ASIC2: variants seen among roughly 807,000 people sequenced by gnomAD.
The protein encoded by ASIC2 is acid sensing ion channel subunit 2.
In ASIC2, 25 loss-of-function variants were observed where a neutral mutation model predicts 57.3. The observed-to-expected ratio is 0.44, with a 90% CI of 0.32 to 0.61. ASIC2 has a LOEUF of 0.61. Among genes scored for constraint, ASIC2 ranks in the 20% least tolerant of loss-of-function variants. ASIC2 has a pLI of 0.06. For synonymous variants in ASIC2, 319 were observed against 307.5 expected, an observed-to-expected ratio of 1.04 and a Z score of -0.39; for missense variants, 641 against 738.1, an observed-to-expected ratio of 0.87 and a Z score of 1.52.
chr17:34,084,941 G>C (rs959376555), intron 1 of ASIC2, among the ~76,000 whole-genome samples: 16 of 152,212 alleles, frequency 1.1e-4, no homozygotes, highest in Admixed American at 1.0e-3. Context: ...ATTTGGGGCT[G>C]AGACGATGGG....
chr17:34,079,279 C>A (rs1435887893), intron 1 of ASIC2, among the ~76,000 whole-genome samples: 1 of 152,176 alleles, frequency 6.6e-6, no homozygotes, highest in African/African-American at 2.4e-5. Context: ...CCCACTCCCT[C>A]CCCCCAGTAT....
chr17:33,727,294 C>T (rs1414722538), intron 1 of ASIC2, among the ~76,000 whole-genome samples: 3 of 152,184 alleles, frequency 2.0e-5, no homozygotes, highest in South Asian at 2.1e-4. Context: ...CACAGGATCC[C>T]ATGTCTATAT....
intron 1 of ASIC2, among the ~76,000 whole-genome samples, chr17:33,465,359 T>G (rs2141915558): frequency 7.0e-6 from 1 of 141,916 alleles, no homozygotes; most frequent in South Asian, 2.3e-4. Context: ...GTGTGGGCCT[T>G]TTTTTTCTTT....
chr17:34,141,297 G>A (rs1467042646), intron 1 of ASIC2, among the ~76,000 whole-genome samples: 3 of 152,210 alleles, frequency 2.0e-5, no homozygotes, highest in African/African-American at 7.2e-5. Flanking sequence ...AAGGACCTTA[G>A]TGGACCACTG....
In ASIC2 at chr17:34,106,680, G is replaced by A. The variant is rs189386741; in HGVS notation, c.555+49298C>T. ...CATTACTATCCTTAATCATTTTGGC[G>A]TTCAAATTTTTAGAAATTTGGTCAG... On this transcript the variant is annotated intron_variant, in intron 1 of 9. Coordinates refer to the ASIC2 transcript ENST00000359872. 1.4e-3 allele frequency among the ~76,000 whole-genome samples: 219 copies of A among 151,906 alleles called. 2 individuals are homozygous for A. Among genetic ancestry groups the A allele is most frequent in the African/African-American group, 5.0e-3 (209 of 41,424 alleles).
chr17:33,017,471 TA>T (rs1422649092), intron 8 of ASIC2, 133 bp downstream of exon 8: 4 of 719,884 alleles, frequency 5.6e-6, no homozygotes, highest in Non-Finnish European at 9.1e-6. Context: ...TGATCGACTC[TA>T]TTGGTGGACA....
chr17:34,098,119 G>C (rs1910611626), intron 1 of ASIC2, among the ~76,000 whole-genome samples: 2 of 152,160 alleles, frequency 1.3e-5, no homozygotes, highest in East Asian at 3.9e-4. Flanking sequence ...GGTTGAATTA[G>C]ACATGGTTGC....
chr17:33,854,196 A>C (rs552339764), intron 1 of ASIC2, among the ~76,000 whole-genome samples: 1 of 152,218 alleles, frequency 6.6e-6, no homozygotes, highest in Non-Finnish European at 1.5e-5. Flanking sequence ...ACTCCAGCTG[A>C]ATTTTGGAGG....
chr17:33,339,198 G>A (rs552841547), intron 1 of ASIC2, among the ~76,000 whole-genome samples: 1 of 152,172 alleles, frequency 6.6e-6, no homozygotes, highest in African/African-American at 2.4e-5. Context: ...GTTGGGGAAG[G>A]TTGGCTTCAC....
intron 1 of ASIC2, among the ~76,000 whole-genome samples, chr17:33,243,974 T>C (rs1293951989): frequency 6.6e-6 from 1 of 152,194 alleles, no homozygotes; most frequent in African/African-American, 2.4e-5. Context: ...TTTTCCCTTT[T>C]TCAATCCTGG....
chr17:33,605,476 T>A (rs1439927652), intron 1 of ASIC2, among the ~76,000 whole-genome samples: 1 of 152,146 alleles, frequency 6.6e-6, no homozygotes, highest in Non-Finnish European at 1.5e-5. Flanking sequence ...AGGAACCAAA[T>A]GGACAGATAG....
intron 3 of ASIC2, among the ~76,000 whole-genome samples, chr17:33,074,994 G>T (rs139583004): frequency 6.6e-6 from 1 of 152,136 alleles, no homozygotes; most frequent in African/African-American, 2.4e-5. Flanking sequence ...AAAGTCTTCC[G>T]CAGAGTGAGG....
chr17:34,043,027 T>TA (rs767617862), intron 1 of ASIC2, among the ~76,000 whole-genome samples: 11 of 152,156 alleles, frequency 7.2e-5, no homozygotes, highest in Non-Finnish European at 1.3e-4. Flanking sequence ...CAAAATAAGT[T>TA]AGACACAAAA....
chr17:33,272,619 T>C (rs1223093394), intron 1 of ASIC2, among the ~76,000 whole-genome samples: 2 of 152,102 alleles, frequency 1.3e-5, no homozygotes, highest in African/African-American at 2.4e-5. Context: ...TCCTCCATCA[T>C]CGTCATCGTG....
At chr17:33,454,611 TAGAC>T (rs758577339) in intron 1 of ASIC2, among the ~76,000 whole-genome samples, 4 of 152,248 alleles carry the variant, frequency 2.6e-5, no homozygotes, top group Non-Finnish European at 5.9e-5. Flanking sequence ...TTAAAAATCT[TAGAC>T]AGCACATAAA....
intron 1 of ASIC2, among the ~76,000 whole-genome samples, chr17:33,478,691 G>A (rs1238525418): frequency 3.9e-5 from 6 of 152,196 alleles, no homozygotes; most frequent in Non-Finnish European, 8.8e-5. Flanking sequence ...AAGAGTCCCT[G>A]GGTCCCCTAG....
intron 1 of ASIC2, among the ~76,000 whole-genome samples, chr17:33,969,190 T>A (rs924586422): frequency 6.6e-6 from 1 of 152,206 alleles, no homozygotes; most frequent in Non-Finnish European, 1.5e-5. Context: ...CTTTATATTC[T>A]AGTTTTGGTC....
chr17:34,138,593 C>T (rs112583871), intron 1 of ASIC2, among the ~76,000 whole-genome samples: 1 of 152,208 alleles, frequency 6.6e-6, no homozygotes, highest in Non-Finnish European at 1.5e-5. Context: ...TGTCACTGCC[C>T]TTCTCCACCA....
chr17:33,619,254 T>C (rs1905701966), intron 1 of ASIC2, among the ~76,000 whole-genome samples: 1 of 152,202 alleles, frequency 6.6e-6, no homozygotes, highest in Non-Finnish European at 1.5e-5. Flanking sequence ...AATCATAATT[T>C]CCATATACTT....
Sources: gnomAD v4.1 joint callset for allele counts (sites outside exome capture counted in the v4.1 genomes callset) on GRCh38, gnomAD v4.1.1 for gene constraint, MANE v1.5 for transcripts, NCBI Gene and HGNC (gene_info 2026-07-23, HGNC 2026-07-21) for gene names.